Variants in ROBO2 observed in about 807,000 individuals in gnomAD.
ROBO2 encodes roundabout homolog 2.
In ROBO2, 53 loss-of-function variants were observed where a neutral mutation model predicts 160.8. The ratio of observed to expected loss-of-function variants is 0.33; its 90% CI spans 0.26 to 0.41. The LOEUF (loss-of-function observed/expected upper bound fraction) is 0.41. Ranked by LOEUF, ROBO2 falls within the 10% of genes least tolerant of loss-of-function variation. The pLI, the probability that ROBO2 is intolerant of heterozygous loss-of-function variation, is 1.00. For synonymous variants in ROBO2, 664 were observed against 611.7 expected, an observed-to-expected ratio of 1.09 and a Z score of -1.26; for missense variants, 1,577 against 1,722.4, an observed-to-expected ratio of 0.92 and a Z score of 1.49.
chr3:76,959,126 C>T (rs1267785517), intron 2 of ROBO2, among the ~76,000 whole-genome samples: 2 of 152,200 alleles, frequency 1.3e-5, no homozygotes, highest in Non-Finnish European at 2.9e-5. Context: ...CCTTACAAGT[C>T]ACCCAAGGCT....
intron 2 of ROBO2, among the ~76,000 whole-genome samples, chr3:76,472,594 A>G (rs906859147): frequency 1.3e-5 from 2 of 152,180 alleles, no homozygotes; most frequent in Non-Finnish European, 2.9e-5. Flanking sequence ...TGTTGAAGTG[A>G]TCTGTGCTGA....
At chr3:76,086,434 C>T (rs933558112) in intron 2 of ROBO2, among the ~76,000 whole-genome samples, 2 of 151,962 alleles carry the variant, frequency 1.3e-5, no homozygotes, top group Non-Finnish European at 2.9e-5. Flanking sequence ...ACCATATCAC[C>T]CAACTTCAGC....
chr3:76,307,180 T>G (rs936446831), intron 2 of ROBO2, among the ~76,000 whole-genome samples: 1 of 152,204 alleles, frequency 6.6e-6, no homozygotes, highest in Non-Finnish European at 1.5e-5. Context: ...TCATGCTATT[T>G]CCTCAGCCTG....
intron 2 of ROBO2, among the ~76,000 whole-genome samples, chr3:76,525,110 C>T (rs1323544803): frequency 1.3e-5 from 2 of 151,592 alleles, no homozygotes; most frequent in African/African-American, 4.8e-5. Flanking sequence ...CCCTTAAGGG[C>T]AGCAAAATTA....
chr3:76,655,952 G>A (rs1358956458), intron 2 of ROBO2, among the ~76,000 whole-genome samples: 2 of 151,870 alleles, frequency 1.3e-5, no homozygotes, highest in East Asian at 1.9e-4. Flanking sequence ...TCCTATAAAT[G>A]TTTGGCTTAA....
chr3:77,088,449 C>T (rs1286574220), intron 1 of ROBO2, among the ~76,000 whole-genome samples: 1 of 152,026 alleles, frequency 6.6e-6, no homozygotes, highest in East Asian at 1.9e-4. Context: ...AGGTTTGTTA[C>T]GTAGGTAAAT....
chr3:76,139,262 C>A (rs952221447), intron 2 of ROBO2, among the ~76,000 whole-genome samples: 1 of 151,940 alleles, frequency 6.6e-6, no homozygotes, highest in African/African-American at 2.4e-5. Context: ...CTTTGTCTTT[C>A]CTTATTGCTA....
intron 2 of ROBO2, among the ~76,000 whole-genome samples, chr3:76,228,690 A>G (rs1022500608): frequency 8.5e-5 from 13 of 152,348 alleles, no homozygotes; most frequent in South Asian, 4.1e-4. Context: ...TAGCAAATCT[A>G]AAGTATCTGT....
At chr3:77,426,721 GAA>G (rs2078250160) in intron 2 of ROBO2, among the ~76,000 whole-genome samples, 1 of 149,858 alleles carries the variant, frequency 6.7e-6, no homozygotes, top group Non-Finnish European at 1.5e-5. Flanking sequence ...AGGAAGGAAG[GAA>G]GGAAGGAAGG....
chr3:76,946,662 T>G (rs1559746010), intron 2 of ROBO2, among the ~76,000 whole-genome samples: 1 of 152,178 alleles, frequency 6.6e-6, no homozygotes, highest in African/African-American at 2.4e-5. Context: ...GGTCTCGAAC[T>G]CCTAACCTCA....
intron 2 of ROBO2, among the ~76,000 whole-genome samples, chr3:76,785,026 A>T (rs1049796807): frequency 6.6e-6 from 1 of 151,130 alleles, no homozygotes; most frequent in Admixed American, 6.6e-5. Context: ...TCTTTAAAGT[A>T]TTCTTATTTG....
intron 2 of ROBO2, among the ~76,000 whole-genome samples, chr3:77,474,259 A>G: frequency 6.6e-6 from 1 of 152,156 alleles, no homozygotes; most frequent in East Asian, 1.9e-4. Flanking sequence ...AACGGAGTAT[A>G]TAAGCATTGG....
intron 2 of ROBO2, among the ~76,000 whole-genome samples, chr3:76,288,310 C>T (rs978491693): frequency 1.3e-4 from 19 of 151,956 alleles, no homozygotes; most frequent in African/African-American, 4.1e-4. Flanking sequence ...TATTTGAGAG[C>T]CCAGTAGTCT....
intron 2 of ROBO2, among the ~76,000 whole-genome samples, chr3:77,382,134 T>C (rs371950302): frequency 6.6e-6 from 1 of 152,268 alleles, no homozygotes; most frequent in South Asian, 2.1e-4. Context: ...AGAAACAAGC[T>C]TTTTAAAGCT....
At chr3:77,642,588 G>A (rs767402984) in intron 24 of ROBO2, 83 bp from the exon 26 acceptor site, 22 of 397,940 alleles carry the variant, frequency 5.5e-5, no homozygotes, top group Non-Finnish European at 1.1e-4. Context: ...CTGTATAAGG[G>A]CAAAGATTTT....
chr3:77,275,188 C>T (rs984944434), intron 2 of ROBO2, among the ~76,000 whole-genome samples: 2 of 151,972 alleles, frequency 1.3e-5, no homozygotes, highest in South Asian at 2.1e-4. Flanking sequence ...AGATACAAAC[C>T]AGAATATGCA....
intron 2 of ROBO2, among the ~76,000 whole-genome samples, chr3:76,032,629 A>G (rs943473447): frequency 2.0e-5 from 3 of 152,158 alleles, no homozygotes; most frequent in Non-Finnish European, 4.4e-5. Context: ...GTAGTCATTC[A>G]GGAGCAGGTT....
intron 5 of ROBO2, among the ~76,000 whole-genome samples, chr3:77,501,766 T>A (rs2087654136): frequency 6.6e-6 from 1 of 152,166 alleles, no homozygotes; most frequent in South Asian, 2.1e-4. Flanking sequence ...AAAATTAATA[T>A]TACCTGTGTA....
chr3:77,155,223 A>T (rs6548482), intron 2 of ROBO2, among the ~76,000 whole-genome samples: 56,386 of 151,828 alleles, frequency 0.37, 11,922 homozygotes, highest in Middle Eastern at 0.54. Context: ...ATCTGTGCAT[A>T]TATCAGATTC....
Sources: gnomAD v4.1 joint callset for allele counts (sites outside exome capture counted in the v4.1 genomes callset) on GRCh38, gnomAD v4.1.1 for gene constraint, MANE v1.5 for transcripts, NCBI Gene and HGNC (gene_info 2026-07-23, HGNC 2026-07-21) for gene names.